The following SERPINI2 variants were observed in gnomAD, a reference collection of about 807,000 sequenced individuals.
The protein encoded by SERPINI2 is serpin I2.
SERPINI2 carries 48 observed loss-of-function variants against 47.3 expected under a neutral mutation model. The ratio of observed to expected loss-of-function variants is 1.02; its 90% CI spans 0.81 to 1.29. The LOEUF (loss-of-function observed/expected upper bound fraction) is 1.29. Among genes scored for constraint, SERPINI2 ranks in the 50% most tolerant of loss-of-function variants. The pLI is 0.00. For synonymous variants in SERPINI2, 135 were observed against 149.3 expected, an observed-to-expected ratio of 0.90 and a Z score of 0.70; for missense variants, 448 against 456.9, an observed-to-expected ratio of 0.98 and a Z score of 0.18.
intron 5 of SERPINI2, 61 bp from the exon 6 acceptor site, chr3:167,453,094 T>C: frequency 1.2e-6 from 1 of 842,516 alleles, no homozygotes; most frequent in South Asian, 1.6e-5. Context: ...TTGCTACCAA[T>C]TTTTTAATGG....
intron 8 of SERPINI2, among the ~76,000 whole-genome samples, chr3:167,445,767 C>CT (rs1749461510): frequency 6.6e-6 from 1 of 152,202 alleles, no homozygotes. Flanking sequence ...AGAGAAAGTG[C>CT]TGAAGCATCC....
intron 5 of SERPINI2, 84 bp from the exon 6 acceptor site, chr3:167,453,117 A>C (rs1749688669): frequency 1.6e-6 from 1 of 636,420 alleles, no homozygotes; most frequent in Admixed American, 3.2e-5. Context: ...GACTTAGAGG[A>C]TAATATATTG....
At chr3:167,445,132 T>C (rs1036502560) in intron 8 of SERPINI2, among the ~76,000 whole-genome samples, 4 of 152,156 alleles carry the variant, frequency 2.6e-5, no homozygotes, top group Non-Finnish European at 5.9e-5. Flanking sequence ...ATTCTAAAAC[T>C]GTTTCATTGT....
exon 7 of SERPINI2, chr3:167,449,384 A>G: frequency 6.2e-7 from 1 of 1,611,638 alleles, no homozygotes; most frequent in Non-Finnish European, 8.5e-7. Context: ...CACTTGGGAA[A>G]CATACACTTC....
At chr3:167,474,415 C>T (rs2108177803), upstream of SERPINI2, among the ~76,000 whole-genome samples, 1 of 151,754 alleles carries the variant, frequency 6.6e-6, no homozygotes, top group Non-Finnish European at 1.5e-5. Flanking sequence ...ATAAATATTT[C>T]AGAATGCCTA....
At chr3:167,475,863 C>T (rs1053790391), upstream of SERPINI2, among the ~76,000 whole-genome samples, 1 of 151,696 alleles carries the variant, frequency 6.6e-6, no homozygotes. Flanking sequence ...ATCATCTCAT[C>T]AATTTTCTTA....
At chr3:167,471,291 G>A (rs146891707) in intron 2 of SERPINI2, among the ~76,000 whole-genome samples, 10 of 151,894 alleles carry the variant, frequency 6.6e-5, no homozygotes, top group East Asian at 5.8e-4. Flanking sequence ...ACACATGCAC[G>A]CCCAGTATAA....
At chr3:167,476,329 T>C (rs992221745), upstream of SERPINI2, among the ~76,000 whole-genome samples, 11 of 151,830 alleles carry the variant, frequency 7.2e-5, no homozygotes, top group Admixed American at 2.6e-4. Flanking sequence ...AAAAAAGACA[T>C]TGTCTTTTTT....
intron 5 of SERPINI2, among the ~76,000 whole-genome samples, chr3:167,462,300 G>T (rs1442689928): frequency 6.6e-6 from 1 of 152,108 alleles, no homozygotes; most frequent in Non-Finnish European, 1.5e-5. Flanking sequence ...CTACAAACTG[G>T]GTATCTTAAA....
chr3:167,460,817 A>T (rs1000087923), intron 5 of SERPINI2, among the ~76,000 whole-genome samples: 5 of 152,176 alleles, frequency 3.3e-5, no homozygotes, highest in Non-Finnish European at 7.3e-5. Flanking sequence ...ATAATATAGA[A>T]TTTCTTTCCT....
chr3:167,447,411 A>G (rs1223031088), intron 7 of SERPINI2, among the ~76,000 whole-genome samples: 1 of 152,192 alleles, frequency 6.6e-6, no homozygotes, highest in East Asian at 1.9e-4. Context: ...GAATACTTGG[A>G]CTTTTTTTGC....
intron 2 of SERPINI2, among the ~76,000 whole-genome samples, chr3:167,469,772 T>C (rs940982484): frequency 6.6e-6 from 1 of 152,190 alleles, no homozygotes; most frequent in Non-Finnish European, 1.5e-5. Context: ...TGAGAATTAA[T>C]ATTCTTATTA....
At chr3:167,470,860 C>G (rs979792993) in intron 2 of SERPINI2, among the ~76,000 whole-genome samples, 1 of 151,922 alleles carries the variant, frequency 6.6e-6, no homozygotes, top group Non-Finnish European at 1.5e-5. Flanking sequence ...AAATGGGATG[C>G]CAGCACAAAA....
chr3:167,460,484 G>T (rs190866039), intron 5 of SERPINI2, among the ~76,000 whole-genome samples: 11 of 152,272 alleles, frequency 7.2e-5, no homozygotes, highest in Middle Eastern at 6.8e-3. Context: ...AATTGTTAAT[G>T]AACTAAATAC....
chr3:167,460,563 G>A (rs183374630), intron 5 of SERPINI2, among the ~76,000 whole-genome samples: 22 of 152,284 alleles, frequency 1.4e-4, no homozygotes, highest in African/African-American at 5.1e-4. Context: ...CATTTTACAT[G>A]TAATGCTGTA....
intron 6 of SERPINI2, 137 bp downstream of exon 6, chr3:167,452,799 C>T (rs1749677790): frequency 2.0e-6 from 1 of 499,866 alleles, no homozygotes; most frequent in Non-Finnish European, 3.6e-6. Flanking sequence ...ACAGACAGCT[C>T]AACATGACTA....
chr3:167,450,330 C>G (rs1420724799), intron 6 of SERPINI2, among the ~76,000 whole-genome samples: 1 of 152,024 alleles, frequency 6.6e-6, no homozygotes, highest in Non-Finnish European at 1.5e-5. Context: ...CCTTTTTCTC[C>G]CCTTGGTGGA....
rs113216330 is a variant in SERPINI2 at position 167,456,664 on chromosome 3, C to T, written c.867-3631G>A. The stretch of plus-strand genomic sequence containing the variant: ...TCTGGCTGACCTCTTCTAGTATTGG[C>T]TCAGCCATTAATTAGCTGTGTGACC... On this transcript the variant is annotated intron_variant, in intron 5 of 8. Transcript: ENST00000264677. 2.5e-3 allele frequency among the ~76,000 whole-genome samples: 379 copies of T among 152,284 alleles called. 1 individual carries two copies. Among genetic ancestry groups the T allele is most frequent in the African/African-American group, 8.7e-3 (360 of 41,540 alleles).
intron 1 of SERPINI2, 55 bp downstream of exon 1, chr3:167,473,948 G>T: frequency 1.7e-6 from 2 of 1,185,944 alleles, no homozygotes; most frequent in Non-Finnish European, 2.1e-6. Context: ...ACATTCATAG[G>T]CAATGTTATT....
Sources: allele counts gnomAD v4.1 joint callset (sites outside exome capture counted in the v4.1 genomes callset), GRCh38; gene constraint gnomAD v4.1.1; transcripts MANE v1.5; gene names NCBI Gene and HGNC (gene_info 2026-07-23, HGNC 2026-07-21).